Variants in CCDC91 observed in about 807,000 individuals in gnomAD.
CCDC91 encodes the protein coiled-coil domain containing 91, also known as coiled-coil domain-containing protein 91.
CCDC91 carries 48 observed loss-of-function variants against 63.2 expected under a neutral mutation model. That is an observed-to-expected ratio of 0.76 (90% CI 0.60 to 0.97). The LOEUF (loss-of-function observed/expected upper bound fraction) is 0.97, where lower values mean the gene tolerates loss of function less well. Among genes scored for constraint, CCDC91 ranks in the 50% least tolerant of loss-of-function variants. The pLI is 0.00. For synonymous variants in CCDC91, 167 were observed against 165.8 expected (o/e 1.01, Z -0.06); for missense variants, 500 against 494.6 (o/e 1.01, Z -0.10).
At chr12:28,267,838 TA>T (rs1947361952) in intron 3 of CCDC91, among the ~76,000 whole-genome samples, 1 of 18,180 alleles carries the variant, frequency 5.5e-5, no homozygotes, top group African/African-American at 1.4e-4. Context: ...TATATAATTA[TA>T]TATAATTATA....
At chr12:28,223,751 T>G (rs1344700902) in intron 1 of CCDC91, among the ~76,000 whole-genome samples, 1 of 152,244 alleles carries the variant, frequency 6.6e-6, no homozygotes, top group Non-Finnish European at 1.5e-5. Context: ...TAAGCACTTT[T>G]GAGTTAGATT....
chr12:28,479,396 T>C (rs1951313998), intron 11 of CCDC91, among the ~76,000 whole-genome samples: 1 of 151,666 alleles, frequency 6.6e-6, no homozygotes, highest in Admixed American at 6.6e-5. Context: ...TTCTCACTCA[T>C]AGGTAGGAAT....
At chr12:28,441,057 C>CAAAAAAAAAAAAAAAAAAAAAAAA (rs60278449) in intron 8 of CCDC91, among the ~76,000 whole-genome samples, 8 of 52,698 alleles carry the variant, frequency 1.5e-4, no homozygotes, top group Non-Finnish European at 2.5e-4. Context: ...GACTCCATCT[C>CAAAAAAAAAAAAAAAAAAAAAAAA]AAAAAAAAAA....
Position 28,311,391 on chromosome 12 carries a change from A to T in CCDC91, c.576+3642A>T, listed in dbSNP as rs963301677. Among the ~76,000 whole-genome samples, 6 of 152,000 alleles carry T rather than the reference A, an allele frequency of 3.9e-5. No homozygotes were observed. In the East Asian group the frequency reaches 1.2e-3, roughly 30 times the overall value. On this transcript the variant is annotated intron_variant, in intron 6 of 12. Transcript: ENST00000536442. ...GGAGAGAGAGTCTTTTTCCTTTTGG[A>T]TGGGGATAGAAGTCCTAAAACTGTC...
intron 6 of CCDC91, among the ~76,000 whole-genome samples, chr12:28,334,238 A>C (rs934753913): frequency 3.9e-5 from 6 of 152,038 alleles, no homozygotes; most frequent in Non-Finnish European, 7.4e-5. Flanking sequence ...GCAGATATGG[A>C]TATCTGGTGT....
chr12:28,496,056 A>T (rs563142452), intron 12 of CCDC91, among the ~76,000 whole-genome samples: 2 of 151,810 alleles, frequency 1.3e-5, no homozygotes, highest in South Asian at 4.1e-4. Flanking sequence ...CATATCAACC[A>T]GGGTTCTTCT....
chr12:28,444,927 G>C (rs767197801), intron 8 of CCDC91, among the ~76,000 whole-genome samples: 1 of 152,040 alleles, frequency 6.6e-6, no homozygotes, highest in Admixed American at 6.5e-5. Context: ...AACAATAGAA[G>C]CATTTCAGCA....
At chr12:28,500,607 C>A (rs1196704021) in intron 12 of CCDC91, among the ~76,000 whole-genome samples, 3 of 151,722 alleles carry the variant, frequency 2.0e-5, no homozygotes, top group Admixed American at 6.6e-5. Flanking sequence ...AAGGTATTGG[C>A]AAATAGCTAA....
chr12:28,231,613 G>A (rs147160661), intron 1 of CCDC91, among the ~76,000 whole-genome samples: 2 of 152,180 alleles, frequency 1.3e-5, no homozygotes, highest in African/African-American at 4.8e-5. Context: ...TTATAATTGG[G>A]TAATTTTAGA....
At chr12:28,405,643 G>A (rs1466291154) in intron 8 of CCDC91, among the ~76,000 whole-genome samples, 1 of 152,142 alleles carries the variant, frequency 6.6e-6, no homozygotes, top group Non-Finnish European at 1.5e-5. Flanking sequence ...ATTTGAAAAT[G>A]CTGAATAATT....
intron 8 of CCDC91, among the ~76,000 whole-genome samples, chr12:28,446,121 T>C (rs1318088143): frequency 6.6e-6 from 1 of 152,182 alleles, no homozygotes; most frequent in Non-Finnish European, 1.5e-5. Flanking sequence ...GTCTCCACTA[T>C]GCCTCTTAAC....
At chr12:28,228,171 G>T (rs1178236828) in intron 1 of CCDC91, among the ~76,000 whole-genome samples, 2 of 151,862 alleles carry the variant, frequency 1.3e-5, no homozygotes, top group South Asian at 2.1e-4. Context: ...TGGTATTTTT[G>T]GTTTGCCATA....
At chr12:28,505,137 T>C (rs1172316963) in intron 12 of CCDC91, among the ~76,000 whole-genome samples, 1 of 152,004 alleles carries the variant, frequency 6.6e-6, no homozygotes, top group East Asian at 1.9e-4. Context: ...CCCTTCTTTT[T>C]AGTTTTTCCA....
At chr12:28,452,256 T>C (rs1949840979) in intron 10 of CCDC91, among the ~76,000 whole-genome samples, 1 of 151,744 alleles carries the variant, frequency 6.6e-6, no homozygotes, top group South Asian at 2.1e-4. Flanking sequence ...GCCTGATTTC[T>C]TTGAAGATTA....
At chr12:28,522,311 G>T (rs1440866719) in intron 12 of CCDC91, among the ~76,000 whole-genome samples, 2 of 152,150 alleles carry the variant, frequency 1.3e-5, no homozygotes, top group Non-Finnish European at 2.9e-5. Context: ...GAGGGTGTAT[G>T]TGTCGAGGAA....
chr12:28,319,946 C>T (rs945924603), intron 6 of CCDC91, among the ~76,000 whole-genome samples: 3 of 151,812 alleles, frequency 2.0e-5, no homozygotes, highest in African/African-American at 7.2e-5. Flanking sequence ...ATTCACTTGG[C>T]CATACAATTT....
intron 6 of CCDC91, among the ~76,000 whole-genome samples, chr12:28,332,053 A>G (rs893343578): frequency 7.2e-5 from 11 of 152,192 alleles, no homozygotes; most frequent in African/African-American, 1.7e-4. Context: ...TAAATGTTTC[A>G]TTAAGGTTTT....
intron 12 of CCDC91, among the ~76,000 whole-genome samples, chr12:28,546,858 T>A (rs1304829463): frequency 6.6e-6 from 1 of 152,110 alleles, no homozygotes; most frequent in African/African-American, 2.4e-5. Flanking sequence ...AATATGCAGA[T>A]GTGACAGATT....
At chr12:28,270,191 T>C (rs1947659301) in intron 3 of CCDC91, among the ~76,000 whole-genome samples, 1 of 152,104 alleles carries the variant, frequency 6.6e-6, no homozygotes, top group African/African-American at 2.4e-5. Context: ...ATTGTTTTAG[T>C]TAATGGACCT....
Sources: allele counts gnomAD v4.1 joint callset (sites outside exome capture counted in the v4.1 genomes callset), GRCh38; gene constraint gnomAD v4.1.1; transcripts MANE v1.5; gene names NCBI Gene and HGNC (gene_info 2026-07-23, HGNC 2026-07-21).